PRKN: variants seen among roughly 807,000 people sequenced by gnomAD.
PRKN encodes the protein E3 ubiquitin-protein ligase parkin.
PRKN carries 56 observed loss-of-function variants against 59.5 expected under a neutral mutation model. The ratio of observed to expected loss-of-function variants is 0.94; its 90% CI spans 0.76 to 1.18. The LOEUF (loss-of-function observed/expected upper bound fraction) is 1.18, where lower values mean the gene tolerates loss of function less well. PRKN is among the 50% of genes most tolerant of loss of function. The pLI is 0.00. For missense variants in PRKN, 657 were observed against 596.4 expected (o/e 1.10, Z -1.06); for synonymous variants, 250 against 222.1 (o/e 1.13, Z -1.12).
chr6:162,221,404 A>T (rs1777929119), intron 3 of PRKN, among the ~76,000 whole-genome samples: 1 of 152,216 alleles, frequency 6.6e-6, no homozygotes, highest in Admixed American at 6.5e-5. Flanking sequence ...TATGAACAGT[A>T]ATAAGATATT....
intron 2 of PRKN, among the ~76,000 whole-genome samples, chr6:162,362,895 G>A (rs1295777470): frequency 6.6e-6 from 1 of 151,902 alleles, no homozygotes; most frequent in Non-Finnish European, 1.5e-5. Flanking sequence ...TTGGGAGGCT[G>A]AGGCGGGTGG....
At chr6:161,953,029 T>C (rs1171889668) in intron 6 of PRKN, among the ~76,000 whole-genome samples, 3 of 152,196 alleles carry the variant, frequency 2.0e-5, no homozygotes, top group African/African-American at 7.2e-5. Flanking sequence ...ACAAATGTAA[T>C]AATTGATATG....
intron 3 of PRKN, among the ~76,000 whole-genome samples, chr6:162,235,343 T>C (rs572846721): frequency 3.1e-4 from 47 of 152,318 alleles, no homozygotes; most frequent in African/African-American, 1.1e-3. Context: ...TGAATATCTA[T>C]GTGACTTGCA....
At chr6:161,608,985 C>T (rs1782388670) in intron 7 of PRKN, among the ~76,000 whole-genome samples, 1 of 152,258 alleles carries the variant, frequency 6.6e-6, no homozygotes, top group East Asian at 1.9e-4. Context: ...GTCAAACATA[C>T]AGAATAGCTG....
chr6:162,476,283 G>T (rs1386646821), intron 1 of PRKN, among the ~76,000 whole-genome samples: 2 of 150,998 alleles, frequency 1.3e-5, no homozygotes, highest in African/African-American at 4.9e-5. Context: ...TGTTGGTCAG[G>T]CTGATCTCAA....
intron 2 of PRKN, among the ~76,000 whole-genome samples, chr6:162,419,666 G>C (rs1788847388): frequency 6.6e-6 from 1 of 152,044 alleles, no homozygotes; most frequent in Non-Finnish European, 1.5e-5. Context: ...AGGTTAGGGG[G>C]ATTTTACTTT....
At chr6:162,572,937 A>AC in intron 1 of PRKN, among the ~76,000 whole-genome samples, 1 of 152,022 alleles carries the variant, frequency 6.6e-6, no homozygotes, top group Non-Finnish European at 1.5e-5. Context: ...TCTGTGTGTC[A>AC]CCCCCTGTCA....
chr6:161,433,639 A>G (rs888351897), intron 9 of PRKN, among the ~76,000 whole-genome samples: 8 of 152,190 alleles, frequency 5.3e-5, no homozygotes, highest in Admixed American at 1.3e-4. Flanking sequence ...ATGTGTTTAC[A>G]AAATGAATGA....
At position 162,165,217 on chromosome 6, in the gene PRKN, T is replaced by C. The variant is rs959394359; in HGVS notation, c.534+35914A>G. On this transcript the variant is annotated intron_variant, in intron 4 of 11. Transcript: ENST00000366898. Reference sequence around the variant, plus strand: ...AACCTAAATGTGAATGCCAAAACTATGGAGCTTCTGGAAAAAAAAATAGGA... The same window carrying C: ...AACCTAAATGTGAATGCCAAAACTACGGAGCTTCTGGAAAAAAAAATAGGA... Among the ~76,000 whole-genome samples the C allele has an allele frequency of 9.4e-5, 14 of 148,694 alleles. 1 individual carries two copies. The highest frequency in any genetic ancestry group is 3.3e-4 in the African/African-American group (13 of 39,436).
intron 2 of PRKN, among the ~76,000 whole-genome samples, chr6:162,385,031 T>C (rs1786723675): frequency 1.3e-5 from 2 of 152,012 alleles, no homozygotes; most frequent in African/African-American, 4.8e-5. Context: ...ACATAGTATT[T>C]CCCCCCTCAT....
intron 6 of PRKN, among the ~76,000 whole-genome samples, chr6:161,900,415 A>C (rs894538820): frequency 6.9e-5 from 10 of 145,632 alleles, no homozygotes; most frequent in Middle Eastern, 3.3e-3. Flanking sequence ...AAATTAGAGA[A>C]AATTAGAGAA....
intron 6 of PRKN, among the ~76,000 whole-genome samples, chr6:161,924,714 A>G (rs1778903912): frequency 6.6e-6 from 1 of 152,206 alleles, no homozygotes; most frequent in Non-Finnish European, 1.5e-5. Flanking sequence ...GCCATGTGAA[A>G]CTTCAAGCAA....
intron 1 of PRKN, among the ~76,000 whole-genome samples, chr6:162,571,744 G>C (rs1583828920): frequency 6.6e-6 from 1 of 152,174 alleles, no homozygotes; most frequent in South Asian, 2.1e-4. Flanking sequence ...CATGGAGCTA[G>C]GAGGCAGGCA....
intron 5 of PRKN, among the ~76,000 whole-genome samples, chr6:161,980,131 C>A (rs1010432759): frequency 6.6e-6 from 1 of 152,154 alleles, no homozygotes; most frequent in East Asian, 1.9e-4. Flanking sequence ...AGCAGTAAGA[C>A]CTGACTTAGT....
rs1181960099 is a variant in PRKN at position 161,480,637 on chromosome 6, T to C, written c.1083+68217A>G. Among the ~76,000 whole-genome samples the C allele has an allele frequency of 6.6e-6, 1 of 152,108 alleles. No individual in the cohort carries two copies. On this transcript the variant is annotated intron_variant, in intron 9 of 11. Coordinates refer to ENST00000366898, the MANE Select transcript of PRKN (RefSeq NM_004562.3). This position sits in a 1 kb window ranked among gnomAD's most constrained non-coding sequence, Gnocchi z 4.1. Reference sequence around the variant, plus strand: ...GGAAGCAGACAAGACTCAGGAAATATCGTCTCCTTTGTAGGAAATCACCTA... The same window carrying C: ...GGAAGCAGACAAGACTCAGGAAATACCGTCTCCTTTGTAGGAAATCACCTA...
chr6:162,211,973 G>A (rs1021392224), intron 3 of PRKN, among the ~76,000 whole-genome samples: 1 of 152,110 alleles, frequency 6.6e-6, no homozygotes, highest in African/African-American at 2.4e-5. Flanking sequence ...GGAAAACATA[G>A]ATTATTTTTT....
intron 2 of PRKN, chr6:162,270,280 T>G (rs1009575034): frequency 6.6e-5 from 10 of 152,272 alleles, no homozygotes; most frequent in Admixed American, 1.3e-4. Flanking sequence ...AACCAAACAT[T>G]GTATGTTCTT....
intron 7 of PRKN, among the ~76,000 whole-genome samples, chr6:161,746,392 G>A (rs1788414407): frequency 6.6e-6 from 1 of 151,768 alleles, no homozygotes; most frequent in Non-Finnish European, 1.5e-5. Context: ...ATAAGTAGGG[G>A]CTAATTGGCT....
intron 2 of PRKN, among the ~76,000 whole-genome samples, chr6:162,330,651 G>A (rs1783526241): frequency 1.3e-5 from 2 of 152,196 alleles, no homozygotes; most frequent in African/African-American, 4.8e-5. Flanking sequence ...AACAGGTAGT[G>A]CTTTCACATG....
Sources: allele counts gnomAD v4.1 joint callset (sites outside exome capture counted in the v4.1 genomes callset), GRCh38; gene constraint gnomAD v4.1.1; non-coding constraint Gnocchi (gnomAD v3.1); transcripts MANE v1.5; gene names NCBI Gene and HGNC (gene_info 2026-07-23, HGNC 2026-07-21).